NIPBL: variants seen among roughly 807,000 people sequenced by gnomAD.
NIPBL encodes NIPBL cohesin loading factor, also known as nipped-B-like protein.
NIPBL carries 19 observed loss-of-function variants against 321.8 expected under a neutral mutation model. The ratio of observed to expected loss-of-function variants is 0.06; its 90% CI spans 0.04 to 0.09. The LOEUF (loss-of-function observed/expected upper bound fraction) is 0.09. Ranked by LOEUF, NIPBL falls within the 10% of genes least tolerant of loss-of-function variation. The pLI is 1.00. For synonymous variants in NIPBL, 1,106 were observed against 1,114.1 expected (o/e 0.99, Z 0.14); for missense variants, 2,210 against 3,327.0 (o/e 0.66, Z 8.26).
chr5:36,902,787 T>G (rs1235001257), intron 1 of NIPBL, among the ~76,000 whole-genome samples: 1 of 152,188 alleles, frequency 6.6e-6, no homozygotes, highest in African/African-American at 2.4e-5. Flanking sequence ...TTGGTTTTTT[T>G]TCCTAATTCT....
intron 42 of NIPBL, among the ~76,000 whole-genome samples, chr5:37,055,175 CCT>C (rs1176006303): frequency 1.3e-5 from 2 of 151,768 alleles, no homozygotes; most frequent in Non-Finnish European, 2.9e-5. Context: ...ATGGCAAAAT[CCT>C]CTCTCTCCTG....
At position 37,060,902 on chromosome 5, in the gene NIPBL, C is replaced by A. The variant is rs776731706; in HGVS notation, c.7744C>A (p.Arg2582=). ...AAAAGTATATGATAAAGCGATAAACCGAAAAACAGGAGTTCATTTTCATCC... is the reference window on the plus strand; with the variant it reads ...AAAAGTATATGATAAAGCGATAAACAGAAAAACAGGAGTTCATTTTCATCC... The part of the protein sequence containing the change: ...SAKVYDKAIN[R]KTGVHFHPKQ... The change falls in exon 45 of 47, where the codon CGA becomes AGA. Residue 2582 remains arginine (R), a synonymous_variant. Coordinates refer to ENST00000282516, the MANE Select transcript of NIPBL (RefSeq NM_133433.4). 6.2e-7 allele frequency: 1 copy of A among 1,613,890 alleles called. No individual in the cohort carries two copies. Among genetic ancestry groups the A allele is most frequent in the East Asian group, 2.2e-5 (1 of 44,850 alleles).
At chr5:36,953,831 A>T in intron 2 of NIPBL, 71 bp downstream of exon 2, 1 of 1,288,350 alleles carries the variant, frequency 7.8e-7, no homozygotes, top group Admixed American at 1.7e-5. Context: ...TGACTGTTCT[A>T]AAAATTATTA....
At chr5:37,042,476 A>T (rs1042239119) in intron 34 of NIPBL, among the ~76,000 whole-genome samples, 15 of 150,872 alleles carry the variant, frequency 9.9e-5, no homozygotes, top group African/African-American at 3.7e-4. Flanking sequence ...TCCATTACTA[A>T]CAATGAGGAT....
Position 36,993,683 on chromosome 5 carries a change from G to A in NIPBL, c.3122-1939G>A, listed in dbSNP as rs556723038. On this transcript the variant is annotated intron_variant, in intron 10 of 46. Transcript: ENST00000282516. ...CATTTGCTTTAAAAAAAAAAATCCC[G>A]TGATGGATGAAAGGCCAAATACTTT... Among the ~76,000 whole-genome samples the A allele has an allele frequency of 2.1e-3, 323 of 151,666 alleles. 1 individual carries two copies. The highest frequency in any genetic ancestry group is 2.6e-3 in the Non-Finnish European group (174 of 67,878).
At chr5:36,926,142 A>G (rs1465134657) in intron 1 of NIPBL, among the ~76,000 whole-genome samples, 2 of 152,180 alleles carry the variant, frequency 1.3e-5, no homozygotes, top group South Asian at 2.1e-4. Flanking sequence ...AACACTGTAA[A>G]TGTACCTTTG....
intron 3 of NIPBL, among the ~76,000 whole-genome samples, 175 bp downstream of exon 3, chr5:36,955,812 T>C (rs1740875626): frequency 6.6e-6 from 1 of 152,150 alleles, no homozygotes; most frequent in South Asian, 2.1e-4. Context: ...GAGATTTAAG[T>C]AGGCAATATT....
intron 11 of NIPBL, among the ~76,000 whole-genome samples, chr5:36,997,349 C>T (rs1287933265): frequency 6.6e-6 from 1 of 152,172 alleles, no homozygotes; most frequent in East Asian, 1.9e-4. Flanking sequence ...GCAAAGATTT[C>T]TGAAGCTGTC....
At chr5:37,009,291 G>A (rs571277495) in intron 20 of NIPBL, among the ~76,000 whole-genome samples, 1 of 152,206 alleles carries the variant, frequency 6.6e-6, no homozygotes, top group South Asian at 2.1e-4. Flanking sequence ...TAAACATGGG[G>A]ATTAAATGCT....
chr5:36,947,485 T>A (rs545904109), intron 1 of NIPBL, among the ~76,000 whole-genome samples: 1 of 152,066 alleles, frequency 6.6e-6, no homozygotes, highest in African/African-American at 2.4e-5. Flanking sequence ...ATCAACATTA[T>A]GTAAGAAACT....
At chr5:36,942,327 G>T (rs908595070) in intron 1 of NIPBL, among the ~76,000 whole-genome samples, 3 of 149,312 alleles carry the variant, frequency 2.0e-5, no homozygotes, top group Non-Finnish European at 4.4e-5. Flanking sequence ...AGCTACTCAG[G>T]AGACTGAGGC....
intron 24 of NIPBL, among the ~76,000 whole-genome samples, chr5:37,018,155 T>C (rs1236915051): frequency 6.6e-6 from 1 of 152,148 alleles, no homozygotes; most frequent in African/African-American, 2.4e-5. Context: ...TCAAAAACTC[T>C]TGGTTTAACA....
At chr5:37,055,892 TCCTAGCTA>T (rs1415484135) in intron 42 of NIPBL, among the ~76,000 whole-genome samples, 2 of 151,758 alleles carry the variant, frequency 1.3e-5, no homozygotes, top group South Asian at 2.1e-4. Context: ...GCACCTATAC[TCCTAGCTA>T]CCTAGCTACT....
chr5:36,957,209 T>C (rs927301186), intron 3 of NIPBL, among the ~76,000 whole-genome samples: 2 of 152,188 alleles, frequency 1.3e-5, no homozygotes, highest in African/African-American at 4.8e-5. Flanking sequence ...TTGCTACTTA[T>C]ATTGAAGTTT....
chr5:37,056,957 C>T (rs898495931), intron 42 of NIPBL, among the ~76,000 whole-genome samples: 1 of 151,736 alleles, frequency 6.6e-6, no homozygotes, highest in Non-Finnish European at 1.5e-5. Context: ...CCCCTTTTCC[C>T]TTTTTGTTAC....
intron 1 of NIPBL, among the ~76,000 whole-genome samples, chr5:36,879,103 A>G (rs1328386649): frequency 6.6e-6 from 1 of 152,132 alleles, no homozygotes; most frequent in Non-Finnish European, 1.5e-5. Flanking sequence ...TAAATGTTTA[A>G]AAGGCCTTCA....
intron 1 of NIPBL, chr5:36,886,169 A>G (rs1745891208): frequency 1.6e-6 from 1 of 644,388 alleles, no homozygotes; most frequent in African/African-American, 1.8e-5. Flanking sequence ...CTTCTGGAGA[A>G]CAGCCTGAGG....
rs1561119475 is a variant in NIPBL at position 36,986,273 on chromosome 5, C to G, written c.3093C>G (p.Ile1031Met). ...EDKSRSSLKP[I>M]KNKPSKSNKG... is the part of the protein sequence containing the mutation. ...AATCAAGAAGTTCCCTTAAACCTATCAAGAATAAACCATCAAAGTCAAATA... is the reference window on the plus strand; with the variant it reads ...AATCAAGAAGTTCCCTTAAACCTATGAAGAATAAACCATCAAAGTCAAATA... The change falls in exon 10 of 47, where the codon ATC becomes ATG. Residue 1031 changes from isoleucine (I) to methionine (M), a missense_variant. By Grantham distance (10) the Ile-to-Met change is conservative. Transcript: ENST00000282516. The G allele has an allele frequency of 2.6e-6, 4 of 1,527,364 alleles. No homozygotes were observed. The highest frequency in any genetic ancestry group is 3.5e-6 in the Non-Finnish European group (4 of 1,145,854). The allele number at this position is 1,527,364 out of a possible 1,614,324, so 94.6% of individuals were successfully genotyped here. A position where few individuals can be genotyped will look rare whatever the true frequency, so the allele number is the denominator to read the frequency against.
chr5:36,986,491 A>G (rs1354187654), intron 10 of NIPBL, among the ~76,000 whole-genome samples, 190 bp downstream of exon 10: 3 of 152,020 alleles, frequency 2.0e-5, no homozygotes, highest in Admixed American at 6.6e-5. Flanking sequence ...TTTTCCCCAC[A>G]GTTTTTTTCT....
Sources: allele counts gnomAD v4.1 joint callset (sites outside exome capture counted in the v4.1 genomes callset), GRCh38; gene constraint gnomAD v4.1.1; transcripts MANE v1.5; gene names NCBI Gene and HGNC (gene_info 2026-07-23, HGNC 2026-07-21).